The following PRKAG2 variants were observed in gnomAD, a reference collection of about 807,000 sequenced individuals.
PRKAG2 encodes the protein 5'-AMP-activated protein kinase subunit gamma-2.
In PRKAG2, 26 loss-of-function variants were observed where a neutral mutation model predicts 69.6. The observed-to-expected ratio is 0.37, with a 90% CI of 0.27 to 0.52. The LOEUF is 0.52. Ranked by LOEUF, PRKAG2 falls within the 20% of genes least tolerant of loss-of-function variation. The pLI is 0.90. For missense variants in PRKAG2, 557 were observed against 740.0 expected, an observed-to-expected ratio of 0.75 and a Z score of 2.87; for synonymous variants, 293 against 285.0, an observed-to-expected ratio of 1.03 and a Z score of -0.28.
At chr7:151,761,938 C>T (rs545638917) in intron 3 of PRKAG2, among the ~76,000 whole-genome samples, 10 of 152,272 alleles carry the variant, frequency 6.6e-5, no homozygotes, top group Admixed American at 2.0e-4. Context: ...TGTTAGGGGA[C>T]GCACGTTTTT....
intron 3 of PRKAG2, among the ~76,000 whole-genome samples, chr7:151,712,077 G>A (rs1424454242): frequency 6.6e-6 from 1 of 152,238 alleles, no homozygotes; most frequent in African/African-American, 2.4e-5. Context: ...AGTGGCGGCA[G>A]AATGTCAGGT....
intron 1 of PRKAG2, among the ~76,000 whole-genome samples, chr7:151,844,316 C>T (rs1417161877): frequency 6.6e-6 from 1 of 152,150 alleles, no homozygotes; most frequent in African/African-American, 2.4e-5. Flanking sequence ...TCCCTAACAC[C>T]TCGTCTCTAG....
intron 3 of PRKAG2, among the ~76,000 whole-genome samples, chr7:151,767,544 G>A (rs1294558269): frequency 6.6e-6 from 1 of 152,238 alleles, no homozygotes; most frequent in African/African-American, 2.4e-5. Flanking sequence ...GCCCGACTTG[G>A]CCTTCCAAAG....
At position 151,781,213 on chromosome 7, in the gene PRKAG2, G is replaced by A. The variant is rs2151803247; in HGVS notation, c.405C>T (p.Ser135=). The change falls in exon 3 of 16, where the codon TCC becomes TCT. Residue 135 remains serine, a synonymous_variant. Coordinates refer to ENST00000287878, the MANE Select transcript of PRKAG2 (RefSeq NM_016203.4). The surrounding 1 kb of genome is among the most constrained non-coding windows in gnomAD (Gnocchi z 6.1). The part of the protein sequence containing the change: ...GIFRSSSKES[S]PNSNPATSPG... The stretch of plus-strand genomic sequence containing the variant: ...GCGAGGTAGCAGGGTTGGAGTTGGG[G>A]GAAGACTCTTTGGAGGAGGAGCGGA... 2 of 1,614,106 alleles carry A rather than the reference G, an allele frequency of 1.2e-6. No homozygotes were observed. Among genetic ancestry groups the A allele is most frequent in the South Asian group, 1.1e-5 (1 of 91,088 alleles).
rs149259428 is a variant in PRKAG2, at chr7:151,661,209, G to A, written c.684+14211C>T. Among the ~76,000 whole-genome samples, 33 of 152,132 alleles carry A rather than the reference G, an allele frequency of 2.2e-4. No homozygotes were observed. In the East Asian group the frequency reaches 5.8e-3, roughly 27 times the overall value. The stretch of plus-strand genomic sequence containing the variant: ...GTTTTTGTTTTTGTTTTTCTGAGAC[G>A]GAGTCTTGCTCTGTCACCCAGGCTG... On this transcript the variant is annotated intron_variant, in intron 4 of 15. Coordinates refer to ENST00000287878, the MANE Select transcript of PRKAG2 (RefSeq NM_016203.4).
chr7:151,779,616 G>C (rs1178641872), intron 3 of PRKAG2, among the ~76,000 whole-genome samples: 1 of 152,228 alleles, frequency 6.6e-6, no homozygotes, highest in Non-Finnish European at 1.5e-5. Flanking sequence ...TCCTAACTGA[G>C]CACAGGCAGT....
At chr7:151,810,315 G>C (rs2151851754) in intron 1 of PRKAG2, 1 of 152,370 alleles carries the variant, frequency 6.6e-6, no homozygotes, top group Non-Finnish European at 1.5e-5. Context: ...TGTTTGGGTT[G>C]TGAGAAAAGA....
chr7:151,779,682 C>G (rs1323884373), intron 3 of PRKAG2, among the ~76,000 whole-genome samples: 1 of 152,218 alleles, frequency 6.6e-6, no homozygotes, highest in Non-Finnish European at 1.5e-5. Context: ...TGACTAGGAG[C>G]CCTTGAAGGC....
At chr7:151,686,999 CCA>C (rs1834838969) in intron 3 of PRKAG2, among the ~76,000 whole-genome samples, 1 of 152,114 alleles carries the variant, frequency 6.6e-6, no homozygotes, top group South Asian at 2.1e-4. Flanking sequence ...CGGAAAATAT[CCA>C]GTCTTATAGG....
At chr7:151,854,891 C>T (rs11971589) in intron 1 of PRKAG2, among the ~76,000 whole-genome samples, 2,850 of 151,716 alleles carry the variant, frequency 0.019, 76 homozygotes, top group African/African-American at 0.064. Context: ...GGGCTCCATA[C>T]TCCAGGGCTG....
intron 3 of PRKAG2, chr7:151,736,290 T>A: frequency 8.1e-7 from 1 of 1,239,506 alleles, no homozygotes; most frequent in South Asian, 2.4e-5. Context: ...CGGCTGTCCT[T>A]AAGTAGCAAG....
At chr7:151,643,718 C>A (rs1827131736) in intron 4 of PRKAG2, among the ~76,000 whole-genome samples, 2 of 152,132 alleles carry the variant, frequency 1.3e-5, no homozygotes, top group Admixed American at 1.3e-4. Context: ...AGACACAGAG[C>A]CAAGGAAATG....
At chr7:151,823,266 T>C (rs2078833887) in intron 1 of PRKAG2, among the ~76,000 whole-genome samples, 1 of 152,052 alleles carries the variant, frequency 6.6e-6, no homozygotes, top group Non-Finnish European at 1.5e-5. Context: ...AAAAATTGAA[T>C]AAACACTAAA....
chr7:151,699,046 G>A lies in PRKAG2; in HGVS notation c.467-23409C>T, dbSNP rs1457600689. Among the ~76,000 whole-genome samples the A allele has an allele frequency of 6.6e-6, 1 of 152,188 alleles. No homozygotes were observed. The highest frequency in any genetic ancestry group is 2.4e-5 in the African/African-American group (1 of 41,448). ...CAAACGGGCCGTGGGAGGGTTTCAG[G>A]ACAGGGTACAGGAAATGACCTGCAA... is the stretch of plus-strand genomic sequence containing the variant. On this transcript the variant is annotated intron_variant, in intron 3 of 15. Transcript: ENST00000287878. This position sits in a 1 kb window ranked among gnomAD's most constrained non-coding sequence, Gnocchi z 4.5.
intron 4 of PRKAG2, among the ~76,000 whole-genome samples, chr7:151,639,499 G>GAAGATCTGCCTCCAGTGTGGGC (rs1826310006): frequency 6.6e-6 from 1 of 152,194 alleles, no homozygotes. Flanking sequence ...ACTGAGTGGG[G>GAAGATCTGCCTCCAGTGTGGGC]AAGATCTGCC....
intron 1 of PRKAG2, among the ~76,000 whole-genome samples, chr7:151,870,101 A>G (rs954283496): frequency 6.7e-6 from 1 of 148,320 alleles, no homozygotes; most frequent in African/African-American, 2.5e-5. Flanking sequence ...GACAGCTGAA[A>G]AGGTGCAGAT....
intron 3 of PRKAG2, among the ~76,000 whole-genome samples, chr7:151,704,241 AC>A (rs574823664): frequency 1.8e-3 from 268 of 152,340 alleles, no homozygotes; most frequent in African/African-American, 6.1e-3. Context: ...TTTAAAATAT[AC>A]AATTAAGTTA....
chr7:151,707,784 C>T (rs1411665875), intron 3 of PRKAG2, among the ~76,000 whole-genome samples: 3 of 152,162 alleles, frequency 2.0e-5, no homozygotes, highest in African/African-American at 7.2e-5. Context: ...GGGAGCTGGG[C>T]CTACGTCAGT....
chr7:151,563,224 G>A (rs894668433), intron 14 of PRKAG2, among the ~76,000 whole-genome samples: 8 of 152,120 alleles, frequency 5.3e-5, no homozygotes, highest in African/African-American at 1.7e-4. Flanking sequence ...GCTAAAAACT[G>A]TTATTTTTTT....
Sources: allele counts gnomAD v4.1 joint callset (sites outside exome capture counted in the v4.1 genomes callset), GRCh38; gene constraint gnomAD v4.1.1; non-coding constraint Gnocchi (gnomAD v3.1); transcripts MANE v1.5; gene names NCBI Gene and HGNC (gene_info 2026-07-23, HGNC 2026-07-21).